Variants in LINS1 observed in about 807,000 individuals in gnomAD.
The protein encoded by LINS1 is lines homolog 1, also known as protein Lines homolog 1.
In LINS1, 27 loss-of-function variants were observed where a neutral mutation model predicts 41.6. The ratio of observed to expected loss-of-function variants is 0.65; its 90% CI spans 0.48 to 0.89. LINS1 has a LOEUF of 0.89. Ranked by LOEUF, LINS1 falls within the 40% of genes least tolerant of loss-of-function variation. The pLI is 0.00. For synonymous variants in LINS1, 336 were observed against 312.9 expected (o/e 1.07, Z -0.78); for missense variants, 955 against 884.1 (o/e 1.08, Z -1.02).
chr15:100,580,980 G>T, intron 1 of LINS1, 35 bp from the exon 2 acceptor site: 2 of 737,806 alleles, frequency 2.7e-6, no homozygotes, highest in Non-Finnish European at 4.3e-6. Flanking sequence ...AATTCTAACT[G>T]CTATATGCTT....
At chr15:100,600,560 A>AAG (rs766903564) in intron 1 of LINS1, among the ~76,000 whole-genome samples, 1 of 114,436 alleles carries the variant, frequency 8.7e-6, no homozygotes, top group Non-Finnish European at 2.0e-5. Flanking sequence ...GCAAAAAAAA[A>AAG]AAAAAAAAAA....
At chr15:100,594,296 A>G (rs2039156171) in intron 1 of LINS1, among the ~76,000 whole-genome samples, 2 of 152,162 alleles carry the variant, frequency 1.3e-5, no homozygotes, top group African/African-American at 4.8e-5. Context: ...GTGGATCCAG[A>G]GGGCCGACTA....
chr15:100,590,521 T>C (rs1052715879), intron 1 of LINS1, among the ~76,000 whole-genome samples: 6 of 152,254 alleles, frequency 3.9e-5, no homozygotes, highest in Non-Finnish European at 7.3e-5. Flanking sequence ...TCCATGGCCC[T>C]TTTCCATTGC....
rs2037650319 is a variant in LINS1 at position 100,568,985 on chromosome 15, GTGGTGGCGGGCACCTGTAA to G, written c.*234_*252del. 2 of 332,908 alleles carry G rather than the reference GTGGTGGCGGGCACCTGTAA, an allele frequency of 6.0e-6. No individual in the cohort carries two copies. The highest frequency in any genetic ancestry group is 1.1e-5 in the Non-Finnish European group (2 of 179,024). The allele number at this position is 332,908 out of a possible 1,614,324, so 20.6% of individuals were successfully genotyped here. On this transcript the variant is annotated 3_prime_UTR_variant, in exon 7 of 7. Transcript: ENST00000314742. ...CTAAAAATACAAAAATTAGCTGGGCGTGGTGGCGGGCACCTGTAATTCCAGCTACTCGGGAGACTGAGGC... is the reference window on the plus strand; with the variant it reads ...CTAAAAATACAAAAATTAGCTGGGCGTTCCAGCTACTCGGGAGACTGAGGC...
At chr15:100,574,953 A>G in intron 4 of LINS1, 34 bp downstream of exon 4, 2 of 1,606,108 alleles carry the variant, frequency 1.2e-6, no homozygotes, top group Non-Finnish European at 1.7e-6. Flanking sequence ...CAGGAGCAAG[A>G]TGATGATTGT....
chr15:100,590,535 A>G (rs774257533), intron 1 of LINS1, among the ~76,000 whole-genome samples: 1 of 152,338 alleles, frequency 6.6e-6, no homozygotes, highest in African/African-American at 2.4e-5. Context: ...CCATTGCAAA[A>G]GAAGCAATGA....
chr15:100,587,131 C>G (rs1217660769), intron 1 of LINS1, among the ~76,000 whole-genome samples: 3 of 131,166 alleles, frequency 2.3e-5, no homozygotes, highest in Non-Finnish European at 4.6e-5. Flanking sequence ...TGTACTCCAG[C>G]CTGGCAATAG....
chr15:100,573,742 T>C lies in LINS1; in HGVS notation c.1131A>G (p.Pro377=). 6.2e-7 allele frequency: 1 copy of C among 1,613,952 alleles called. No homozygotes were observed. The highest frequency in any genetic ancestry group is 8.5e-7 in the Non-Finnish European group (1 of 1,179,790). The change falls in exon 5 of 7, where the codon CCA becomes CCG. Residue 377 remains proline (P), a synonymous_variant. Transcript: ENST00000314742. ...TTGCTGCTCTAAGGATCACATGATC[T>C]GGACTAGTGATAAGTTCACATTCAG... ...VQPECELITS[P]DHVILRAASL... is the part of the protein sequence containing the mutation.
At chr15:100,591,377 T>A (rs1438357391) in intron 1 of LINS1, among the ~76,000 whole-genome samples, 1 of 152,034 alleles carries the variant, frequency 6.6e-6, no homozygotes, top group East Asian at 1.9e-4. Context: ...AAACCCAAAA[T>A]GAAGGTAACT....
chr15:100,592,147 T>C (rs777796377), intron 1 of LINS1, among the ~76,000 whole-genome samples: 78 of 152,066 alleles, frequency 5.1e-4, no homozygotes, highest in Non-Finnish European at 5.4e-4. Flanking sequence ...CCTCAGAAAA[T>C]TCTGTAACGG....
intron 5 of LINS1, 152 bp downstream of exon 5, chr15:100,573,499 T>C (rs2037963162): frequency 1.3e-6 from 1 of 784,876 alleles, no homozygotes; most frequent in East Asian, 2.8e-5. Context: ...CCAGTTCTTT[T>C]TTTTTTTTTT....
Position 100,572,030 on chromosome 15 carries a change from A to T in LINS1, c.1258T>A (p.Phe420Ile). 1 of 1,614,240 alleles carries T rather than the reference A, an allele frequency of 6.2e-7. No homozygotes were observed. The highest frequency in any genetic ancestry group is 8.5e-7 in the Non-Finnish European group (1 of 1,180,034). Residue 420 changes from phenylalanine to isoleucine, a missense_variant, in exon 6 of 7, where the codon TTC (phenylalanine) becomes ATC (isoleucine). Transcript: ENST00000314742. ...LQRFMSELLT[F>I]LKPHLQPSLQ... ...GAGGGCTGAAGATGAGGCTTTAAGA[A>T]GGTCAGTAACTCAGACATGAACCTC...
intron 5 of LINS1, 170 bp downstream of exon 5, chr15:100,573,481 A>G: frequency 1.2e-6 from 1 of 824,848 alleles, no homozygotes; most frequent in Non-Finnish European, 1.8e-6. Flanking sequence ...TGTTTCTTAA[A>G]GGTAAATCCA....
intron 1 of LINS1, among the ~76,000 whole-genome samples, chr15:100,587,678 T>C (rs1157049152): frequency 1.3e-5 from 2 of 152,204 alleles, no homozygotes; most frequent in African/African-American, 4.8e-5. Context: ...ATTTGTCCCA[T>C]TTATCCAGAA....
At chr15:100,601,178 C>T (rs1567106613) in intron 1 of LINS1, among the ~76,000 whole-genome samples, 3 of 152,200 alleles carry the variant, frequency 2.0e-5, no homozygotes, top group Admixed American at 6.5e-5. Context: ...CCTCAGAGAC[C>T]TTTCCTATCT....
chr15:100,571,936 T>G lies in LINS1; in HGVS notation c.1352A>C (p.Glu451Ala). The change falls in exon 6 of 7, where the codon GAG (glutamate) becomes GCG (alanine). Residue 451 changes from glutamate to alanine, a missense_variant. Physicochemically the swap from Glu to Ala is moderately radical, Grantham distance 107. Transcript: ENST00000314742. ...GATGCCCAGTGATGCCTTGGCAGCC[T>G]CCAGCATGTCATCGTCTTGTTCTAT... ...VFIEQDDDML[E>A]AAKASLGIYL... 1 of 1,614,230 alleles carries G rather than the reference T, an allele frequency of 6.2e-7. No homozygotes were observed. The highest frequency in any genetic ancestry group is 8.5e-7 in the Non-Finnish European group (1 of 1,180,048).
chr15:100,593,955 C>T (rs147032636), intron 1 of LINS1, among the ~76,000 whole-genome samples: 74 of 152,210 alleles, frequency 4.9e-4, no homozygotes, highest in African/African-American at 1.7e-3. Context: ...ATCAGGATAG[C>T]GATTTGACTG....
chr15:100,570,398 T>G lies in LINS1; in HGVS notation c.1395-281A>C, dbSNP rs1043613567. On this transcript the variant is annotated intron_variant, in intron 6 of 6. Transcript: ENST00000314742. ...CTCTCGACATCAGAACTCCTCATTC[T>G]TATAGGTAACCAATTCCATGTGGTA... 12 of 301,656 alleles carry G rather than the reference T, an allele frequency of 4.0e-5. No individual in the cohort carries two copies. The South Asian group carries it at 4.1e-4, about 10-fold the overall frequency. The allele number at this position is 301,656 out of a possible 1,614,324, so 18.7% of individuals were successfully genotyped here. A position where few individuals can be genotyped will look rare whatever the true frequency, so the allele number is the denominator to read the frequency against.
intron 1 of LINS1, among the ~76,000 whole-genome samples, chr15:100,594,959 G>C (rs574545323): frequency 6.6e-6 from 1 of 152,048 alleles, no homozygotes; most frequent in African/African-American, 2.4e-5. Flanking sequence ...GTTCCTCCTC[G>C]GGCATCAACA....
Sources: allele counts gnomAD v4.1 joint callset (sites outside exome capture counted in the v4.1 genomes callset), GRCh38; gene constraint gnomAD v4.1.1; transcripts MANE v1.5; gene names NCBI Gene and HGNC (gene_info 2026-07-23, HGNC 2026-07-21).